Variants in RAB6A observed in about 807,000 individuals in gnomAD.
RAB6A encodes ras-related protein Rab-6A.
A neutral mutation model predicts 32.3 loss-of-function variants in RAB6A; 8 were observed. The observed-to-expected ratio is 0.25, with a 90% CI of 0.15 to 0.45. The LOEUF is 0.45. Ranked by LOEUF, RAB6A falls within the 20% of genes least tolerant of loss-of-function variation. The pLI, the probability that RAB6A is intolerant of heterozygous loss-of-function variation, is 1.00. For missense variants in RAB6A, 104 were observed against 249.4 expected, an observed-to-expected ratio of 0.42 and a Z score of 3.93; for synonymous variants, 73 against 82.1, an observed-to-expected ratio of 0.89 and a Z score of 0.60.
At chr11:73,704,763 G>A (rs533921518) in intron 6 of RAB6A, among the ~76,000 whole-genome samples, 2 of 151,968 alleles carry the variant, frequency 1.3e-5, no homozygotes, top group South Asian at 4.2e-4. Flanking sequence ...TTGGGAGGCC[G>A]AGGTGGGCAG....
At chr11:73,705,562 T>A (rs1051727766) in intron 6 of RAB6A, among the ~76,000 whole-genome samples, 2 of 151,506 alleles carry the variant, frequency 1.3e-5, no homozygotes, top group African/African-American at 2.4e-5. Flanking sequence ...AAAAAATAAA[T>A]AAATATAAGA....
rs555388622 is a variant in RAB6A, at chr11:73,744,511, C to CA, written c.71-13689dup. Among the ~76,000 whole-genome samples the CA allele has an allele frequency of 7.1e-4, 45 of 63,750 alleles. 1 individual carries two copies. Among genetic ancestry groups the CA allele is most frequent in the African/African-American group, 3.0e-3 (41 of 13,736 alleles). The allele number at this position is 63,750 out of a possible 152,430, so 41.8% of individuals were successfully genotyped here. A position where few individuals can be genotyped will look rare whatever the true frequency, so the allele number is the denominator to read the frequency against. ...GGGCAACAGAGTGAGACCCTGTCTC[C>CA]AAAAAAAAAAAAAAAAAAAAAAAAA... On this transcript the variant is annotated intron_variant, in intron 1 of 7. Coordinates refer to ENST00000336083, the MANE Select transcript of RAB6A (RefSeq NM_198896.2).
intron 1 of RAB6A, among the ~76,000 whole-genome samples, chr11:73,752,255 C>A (rs1318257731): frequency 1.3e-5 from 2 of 152,018 alleles, no homozygotes; most frequent in African/African-American, 4.8e-5. Flanking sequence ...GTCAAGAGTT[C>A]GAGACCAGTC....
chr11:73,713,784 T>C (rs767812438), intron 5 of RAB6A, among the ~76,000 whole-genome samples: 7 of 152,190 alleles, frequency 4.6e-5, no homozygotes, highest in Non-Finnish European at 4.4e-5. Context: ...ACGAACAAGC[T>C]GTAATTCTTT....
intron 1 of RAB6A, among the ~76,000 whole-genome samples, chr11:73,755,482 G>A (rs1012949058): frequency 6.6e-6 from 1 of 151,978 alleles, no homozygotes; most frequent in East Asian, 1.9e-4. Flanking sequence ...TAGTAGAAAC[G>A]GGGTTTCGCC....
At chr11:73,709,793 C>A (rs542672058) in intron 5 of RAB6A, among the ~76,000 whole-genome samples, 2 of 148,080 alleles carry the variant, frequency 1.4e-5, no homozygotes, top group East Asian at 3.9e-4. Context: ...TAAAAATTTT[C>A]AAATGCTAAA....
At chr11:73,714,982 C>T (rs1946031849) in intron 5 of RAB6A, among the ~76,000 whole-genome samples, 1 of 152,058 alleles carries the variant, frequency 6.6e-6, no homozygotes, top group African/African-American at 2.4e-5. Flanking sequence ...AGAAAAGTAC[C>T]TACAAAGTCT....
intron 6 of RAB6A, among the ~76,000 whole-genome samples, chr11:73,701,706 T>G (rs192999030): frequency 8.5e-5 from 13 of 152,108 alleles, no homozygotes; most frequent in African/African-American, 2.9e-4. Context: ...CAGGCTGGAG[T>G]GCAGTGGTGT....
At chr11:73,740,781 G>C (rs1044480422) in intron 1 of RAB6A, among the ~76,000 whole-genome samples, 1 of 151,858 alleles carries the variant, frequency 6.6e-6, no homozygotes, top group Non-Finnish European at 1.5e-5. Flanking sequence ...CAGCTACTCG[G>C]GGGGGCTGAG....
intron 6 of RAB6A, among the ~76,000 whole-genome samples, chr11:73,705,957 A>G (rs1205286678): frequency 6.6e-6 from 1 of 152,142 alleles, no homozygotes; most frequent in Non-Finnish European, 1.5e-5. Flanking sequence ...GAAACTTATA[A>G]GGAGTACAAT....
intron 1 of RAB6A, among the ~76,000 whole-genome samples, chr11:73,743,413 G>A (rs1243971786): frequency 1.3e-5 from 2 of 152,022 alleles, no homozygotes; most frequent in African/African-American, 2.4e-5. Flanking sequence ...GGGGTCCCCA[G>A]TATCCGTAAG....
chr11:73,757,213 A>G (rs143662808), intron 1 of RAB6A, among the ~76,000 whole-genome samples: 13,468 of 128,122 alleles, frequency 0.11, 975 homozygotes, highest in African/African-American at 0.23. Context: ...GCATGATCTC[A>G]GCTCACTGCA....
intron 6 of RAB6A, among the ~76,000 whole-genome samples, chr11:73,703,628 G>A (rs1945782334): frequency 6.6e-6 from 1 of 152,178 alleles, no homozygotes; most frequent in South Asian, 2.1e-4. Context: ...TATAATCCCA[G>A]CTAGGCAGGA....
chr11:73,749,697 T>C (rs1311749797), intron 1 of RAB6A, among the ~76,000 whole-genome samples: 4 of 152,136 alleles, frequency 2.6e-5, no homozygotes, highest in South Asian at 2.1e-4. Context: ...TCTATCTCTA[T>C]GAAAAAACTT....
At chr11:73,742,655 T>C (rs919732884) in intron 1 of RAB6A, among the ~76,000 whole-genome samples, 2 of 151,830 alleles carry the variant, frequency 1.3e-5, no homozygotes, top group South Asian at 2.1e-4. Context: ...CTACTAAAAA[T>C]ACAAAATTAG....
intron 6 of RAB6A, among the ~76,000 whole-genome samples, chr11:73,702,530 T>TAA (rs201339335): frequency 4.6e-5 from 7 of 151,986 alleles, no homozygotes; most frequent in Admixed American, 2.0e-4. Context: ...CTGATAACTG[T>TAA]AAAAAAAATT....
intron 6 of RAB6A, among the ~76,000 whole-genome samples, chr11:73,700,408 C>T (rs954503194): frequency 6.6e-6 from 1 of 152,012 alleles, no homozygotes; most frequent in Non-Finnish European, 1.5e-5. Flanking sequence ...TATAGCAAGA[C>T]CCATCTCTAG....
intron 1 of RAB6A, among the ~76,000 whole-genome samples, chr11:73,757,780 G>A (rs1429934383): frequency 1.3e-5 from 2 of 152,006 alleles, no homozygotes; most frequent in African/African-American, 4.8e-5. Context: ...TATCAATTGC[G>A]TAACCATGTC....
At chr11:73,684,034 C>T (rs945126366) in intron 6 of RAB6A, among the ~76,000 whole-genome samples, 9 of 152,186 alleles carry the variant, frequency 5.9e-5, no homozygotes, top group Non-Finnish European at 1.3e-4. Context: ...CTACCCTCAT[C>T]GGTCAGCAGA....
Sources: allele counts gnomAD v4.1 joint callset (sites outside exome capture counted in the v4.1 genomes callset), GRCh38; gene constraint gnomAD v4.1.1; transcripts MANE v1.5; gene names NCBI Gene and HGNC (gene_info 2026-07-23, HGNC 2026-07-21).